The following PLEKHH1 variants were observed in gnomAD, a reference collection of about 807,000 sequenced individuals.
PLEKHH1 encodes the protein pleckstrin homology domain-containing family H member 1.
A neutral mutation model predicts 160.0 loss-of-function variants in PLEKHH1; 104 were observed. The ratio of observed to expected loss-of-function variants is 0.65; its 90% CI spans 0.55 to 0.76. PLEKHH1 has a LOEUF of 0.76. Ranked by LOEUF, PLEKHH1 falls within the 30% of genes least tolerant of loss-of-function variation. The pLI is 0.00. For synonymous variants in PLEKHH1, 619 were observed against 678.4 expected, an observed-to-expected ratio of 0.91 and a Z score of 1.36; for missense variants, 1,427 against 1,724.1, an observed-to-expected ratio of 0.83 and a Z score of 3.05.
At chr14:67,557,604 C>G (rs1186329176) in intron 4 of PLEKHH1, among the ~76,000 whole-genome samples, 186 bp downstream of exon 4, 1 of 152,226 alleles carries the variant, frequency 6.6e-6, no homozygotes. Context: ...TCATTAGAAG[C>G]CAGGCAGGGG....
intron 2 of PLEKHH1, among the ~76,000 whole-genome samples, chr14:67,551,639 A>T (rs938826706): frequency 6.6e-6 from 1 of 152,120 alleles, no homozygotes; most frequent in Non-Finnish European, 1.5e-5. Flanking sequence ...CTGTAATCCC[A>T]GGACTTAGGG....
At chr14:67,579,968 T>G in intron 22 of PLEKHH1, 92 bp downstream of exon 22, 1 of 1,234,272 alleles carries the variant, frequency 8.1e-7, no homozygotes, top group Non-Finnish European at 1.1e-6. Context: ...TCTGACTGTT[T>G]GGTAGCTCAT....
intron 9 of PLEKHH1, chr14:67,570,925 T>C (rs2035342521): frequency 6.6e-6 from 1 of 152,234 alleles, no homozygotes; most frequent in Non-Finnish European, 1.5e-5. Flanking sequence ...GGTTTCACCA[T>C]GTTGGCCAGG....
chr14:67,584,068 TACCTGACCGTGGCC>T lies in PLEKHH1; in HGVS notation c.3645_3658del (p.Tyr1215Ter), dbSNP rs1408918288. On this transcript the variant is annotated frameshift_variant, in exon 26 of 29. Transcript: ENST00000329153. LOFTEE classifies it high-confidence loss of function. ...CTCCCCTCCTGAGTGCATCCGCATCTACCTGACCGTGGCCAGGAAATGGCCTTTCTTTGGTGCTA... is the reference window on the plus strand; with the variant it reads ...CTCCCCTCCTGAGTGCATCCGCATCTAGGAAATGGCCTTTCTTTGGTGCTA... The T allele has an allele frequency of 1.9e-6, 3 of 1,614,024 alleles. No homozygotes were observed. Among genetic ancestry groups the T allele is most frequent in the Non-Finnish European group, 2.5e-6 (3 of 1,179,886 alleles).
intron 5 of PLEKHH1, among the ~76,000 whole-genome samples, chr14:67,560,753 G>A (rs1052940690): frequency 6.7e-5 from 9 of 133,374 alleles, no homozygotes; most frequent in Admixed American, 4.0e-4. Flanking sequence ...TTTTTGAGAC[G>A]GAGTCTCGCT....
chr14:67,576,164 T>G lies in PLEKHH1; in HGVS notation c.2352+159T>G, dbSNP rs917952033. Among the ~76,000 whole-genome samples the G allele has an allele frequency of 6.6e-6, 1 of 152,218 alleles. No individual in the cohort carries two copies. Among genetic ancestry groups the G allele is most frequent in the Non-Finnish European group, 1.5e-5 (1 of 68,034 alleles). On this transcript the variant is annotated intron_variant, in intron 16 of 28. Transcript: ENST00000329153. This position sits in a 1 kb window ranked among gnomAD's most constrained non-coding sequence, Gnocchi z 4.0. ...ATGGGAATATTCCTTTATACTGAAT[T>G]TATTCCCAGTGACCAACATTGCTTC... is the stretch of plus-strand genomic sequence containing the variant.
chr14:67,581,881 A>T, intron 23 of PLEKHH1, 188 bp from the exon 24 acceptor site: 1 of 584,176 alleles, frequency 1.7e-6, no homozygotes, highest in Non-Finnish European at 3.0e-6. Flanking sequence ...GTATGAGATC[A>T]GCATGACCCT....
At chr14:67,542,778 A>G (rs2140331437) in intron 2 of PLEKHH1, among the ~76,000 whole-genome samples, 1 of 152,168 alleles carries the variant, frequency 6.6e-6, no homozygotes, top group Middle Eastern at 3.4e-3. Flanking sequence ...GCAGCTCGCC[A>G]CAATCTCCGC....
chr14:67,546,206 G>A (rs1343650232), intron 2 of PLEKHH1, among the ~76,000 whole-genome samples: 1 of 151,982 alleles, frequency 6.6e-6, no homozygotes, highest in Non-Finnish European at 1.5e-5. Context: ...GGGGGAAGGG[G>A]GTAAAATTGG....
chr14:67,567,637 C>T (rs1470634719), intron 7 of PLEKHH1, among the ~76,000 whole-genome samples: 17 of 152,222 alleles, frequency 1.1e-4, no homozygotes, highest in Admixed American at 9.8e-4. Context: ...GTGATCTCAG[C>T]GTCTCATGGC....
Position 67,578,703 on chromosome 14 carries a change from G to T in PLEKHH1, c.2849+72G>T. ...GCCGCATGAATAAGAGGGATGAGAG[G>T]AGTCTAGGGCAGACCAGATCACTCC... On this transcript the variant is annotated intron_variant, in intron 20 of 28. Coordinates refer to ENST00000329153, the MANE Select transcript of PLEKHH1 (RefSeq NM_020715.3). The surrounding 1 kb of genome is among the most constrained non-coding windows in gnomAD (Gnocchi z 5.0). 3.0e-6 allele frequency: 3 copies of T among 983,938 alleles called. No individual in the cohort carries two copies. Among genetic ancestry groups the T allele is most frequent in the East Asian group, 5.2e-5 (2 of 38,422 alleles). The allele number at this position is 983,938 out of a possible 1,614,324, so 61.0% of individuals were successfully genotyped here.
chr14:67,572,181 C>A lies in PLEKHH1; in HGVS notation c.1632C>A (p.Pro544=), dbSNP rs190066778. ...GCTCCGAGGGTGACTACGCCATCCC[C>A]CCGGACGCCTGCTCACTGGACAGTG... ...SLSSEGDYAI[P]PDACSLDSDY... The change falls in exon 11 of 29, where the codon CCC becomes CCA. Residue 544 remains proline (P), a synonymous_variant. Transcript: ENST00000329153. 3.2e-5 allele frequency: 52 copies of A among 1,608,100 alleles called. No homozygotes were observed. The Admixed American group carries it at 8.6e-4, about 27-fold the overall frequency.
chr14:67,571,581 A>C, intron 9 of PLEKHH1, 171 bp from the exon 10 acceptor site: 1 of 595,040 alleles, frequency 1.7e-6, no homozygotes, highest in Non-Finnish European at 3.0e-6. Context: ...CATGGAGGTC[A>C]TGACACAGGA....
chr14:67,536,418 C>G (rs966492453), intron 1 of PLEKHH1, among the ~76,000 whole-genome samples: 4 of 151,814 alleles, frequency 2.6e-5, no homozygotes, highest in Non-Finnish European at 5.9e-5. Context: ...CCCTCACTAG[C>G]AAGTGGAAGT....
At chr14:67,551,043 C>G (rs1020787141) in intron 2 of PLEKHH1, among the ~76,000 whole-genome samples, 1 of 152,158 alleles carries the variant, frequency 6.6e-6, no homozygotes, top group African/African-American at 2.4e-5. Context: ...ATACACACAG[C>G]CCTACACAGA....
In PLEKHH1 at chr14:67,576,058, C is replaced by T; in HGVS notation, c.2352+53C>T. The T allele has an allele frequency of 1.5e-6, 2 of 1,372,748 alleles. No homozygotes were observed. Among genetic ancestry groups the T allele is most frequent in the Non-Finnish European group, 2.0e-6 (2 of 992,768 alleles). 85.0% of individuals were successfully genotyped at this position (1,372,748 alleles called of 1,614,324 possible). ...CCAAGCTTGGACCTGTGATTCTGATCTTCCCTTCTCTCTTTCTCCTGAGCT... is the reference window on the plus strand; with the variant it reads ...CCAAGCTTGGACCTGTGATTCTGATTTTCCCTTCTCTCTTTCTCCTGAGCT... On this transcript the variant is annotated intron_variant, in intron 16 of 28. Coordinates refer to ENST00000329153, the MANE Select transcript of PLEKHH1 (RefSeq NM_020715.3). The surrounding 1 kb of genome is among the most constrained non-coding windows in gnomAD (Gnocchi z 4.0).
intron 24 of PLEKHH1, 57 bp from the exon 25 acceptor site, chr14:67,583,684 C>T (rs988160316): frequency 2.1e-6 from 3 of 1,402,502 alleles, no homozygotes; most frequent in Non-Finnish European, 3.0e-6. Context: ...CAACAGCCCC[C>T]ACCTGGCCCA....
rs115326729 is a variant in PLEKHH1 at position 67,571,513 on chromosome 14, A to T, written c.1435-239A>T. 2,777 of 444,634 alleles carry T rather than the reference A, an allele frequency of 6.2e-3. 58 individuals are homozygous for T. Among genetic ancestry groups the T allele is most frequent in the African/African-American group, 0.048 (2,489 of 51,976 alleles). 27.5% of individuals were successfully genotyped at this position (444,634 alleles called of 1,614,324 possible). On this transcript the variant is annotated intron_variant, in intron 9 of 28. Coordinates refer to ENST00000329153, the MANE Select transcript of PLEKHH1 (RefSeq NM_020715.3). ...CACAGTGGGCAGGCATTCAGTCGTG[A>T]TGGGCAGCTGCTTTGGGGACCACAG... is the stretch of plus-strand genomic sequence containing the variant.
chr14:67,570,109 G>T, intron 9 of PLEKHH1, 97 bp downstream of exon 9: 1 of 882,710 alleles, frequency 1.1e-6, no homozygotes. Flanking sequence ...CCAGGCTTCT[G>T]CACATGGTGA....
Sources: allele counts gnomAD v4.1 joint callset (sites outside exome capture counted in the v4.1 genomes callset), GRCh38; gene constraint gnomAD v4.1.1; non-coding constraint Gnocchi (gnomAD v3.1); transcripts MANE v1.5; gene names NCBI Gene and HGNC (gene_info 2026-07-23, HGNC 2026-07-21).